Variants in MTA1 observed in about 807,000 individuals in gnomAD.
MTA1 encodes metastasis associated 1.
MTA1 carries 15 observed loss-of-function variants against 97.0 expected under a neutral mutation model. That is an observed-to-expected ratio of 0.15 (90% CI 0.10 to 0.24). The LOEUF is 0.24. Ranked by LOEUF, MTA1 falls within the 10% of genes least tolerant of loss-of-function variation. MTA1 has a pLI of 1.00. For synonymous variants in MTA1, 435 were observed against 417.5 expected (o/e 1.04, Z -0.51); for missense variants, 709 against 1,015.1 (o/e 0.70, Z 4.10).
At position 105,463,256 on chromosome 14, in the gene MTA1, C is replaced by G. The variant is rs1555431476; in HGVS notation, c.1015C>G (p.Gln339Glu). 6.2e-7 allele frequency: 1 copy of G among 1,609,634 alleles called. No individual in the cohort carries two copies. ...MWKTTDRYVQQKRLKAAEAES... is the reference protein window; with the variant it reads ...MWKTTDRYVQEKRLKAAEAES... ...GAAGACCACCGACAGATACGTGCAG[C>G]AGGTGAGCCCGCCCGCCACTCAGTG... Residue 339 changes from glutamine (Q) to glutamate (E), a missense_variant and splice_region_variant, in exon 11 of 21, where the codon CAG becomes GAG. By Grantham distance (29) the Gln-to-Glu change is conservative. Around this residue, in one of 2 missense-constraint regions of MTA1, gnomAD observed 321 missense variants for 593.5 expected, o/e 0.54. Coordinates refer to ENST00000331320, the MANE Select transcript of MTA1 (RefSeq NM_004689.4). This position sits in a 1 kb window ranked among gnomAD's most constrained non-coding sequence, Gnocchi z 5.9.
rs1377956160 is a variant in MTA1, at chr14:105,464,664, C to T, written c.1345-10C>T. Reference sequence around the variant, plus strand: ...GCGCTGTGTTGGGGCGGTTGCGCCCCCTTCCGCAGAGTCCCCACGGCCTCC... The same window carrying T: ...GCGCTGTGTTGGGGCGGTTGCGCCCTCTTCCGCAGAGTCCCCACGGCCTCC... On this transcript the variant is annotated splice_polypyrimidine_tract_variant and intron_variant, in intron 14 of 20. Coordinates refer to ENST00000331320, the MANE Select transcript of MTA1 (RefSeq NM_004689.4). 1.9e-6 allele frequency: 3 copies of T among 1,601,018 alleles called. No homozygotes were observed. The highest frequency in any genetic ancestry group is 1.3e-5 in the African/African-American group (1 of 74,620).
At chr14:105,467,008 G>A (rs906993750) in intron 18 of MTA1, 7 of 560,314 alleles carry the variant, frequency 1.2e-5, no homozygotes, top group Non-Finnish European at 2.2e-5. Flanking sequence ...TGGCGCCCCT[G>A]CCTGCGCTGT....
intron 3 of MTA1, among the ~76,000 whole-genome samples, chr14:105,447,194 G>T (rs1161260278): frequency 6.6e-6 from 1 of 152,096 alleles, no homozygotes; most frequent in Non-Finnish European, 1.5e-5. Context: ...GGCCTGGCTC[G>T]CTGGAGAAGC....
At chr14:105,436,166 G>A (rs1236769172) in intron 1 of MTA1, among the ~76,000 whole-genome samples, 2 of 152,178 alleles carry the variant, frequency 1.3e-5, no homozygotes, top group African/African-American at 4.8e-5. Context: ...CTACTCGGGA[G>A]GTTGAGGCAG....
chr14:105,454,882 G>C (rs1443445441), intron 7 of MTA1, among the ~76,000 whole-genome samples: 2 of 151,628 alleles, frequency 1.3e-5, no homozygotes, highest in African/African-American at 4.9e-5. Context: ...GAGCCACCGA[G>C]TCTGGCCTTG....
chr14:105,426,261 C>T (rs374201186), intron 1 of MTA1, among the ~76,000 whole-genome samples: 4 of 151,224 alleles, frequency 2.6e-5, no homozygotes, highest in African/African-American at 4.8e-5. Flanking sequence ...ACCAGGGCAG[C>T]GGCAGCGGCT....
rs782269540 is a variant in MTA1 at position 105,470,189 on chromosome 14, G to A, written c.2122G>A (p.Asp708Asn). The change falls in exon 21 of 21, where the codon GAC (aspartate) becomes AAC (asparagine). Residue 708 changes from aspartate to asparagine, a missense_variant. This residue lies in a region of MTA1 where 388 missense variants were observed against 421.6 expected (regional missense o/e 0.92). Coordinates refer to ENST00000331320, the MANE Select transcript of MTA1 (RefSeq NM_004689.4). Reference sequence around the variant, plus strand: ...GCCACCGCCACCTGCGCCCGTCAACGACGAGCCCATCGTCATCGAGGACTA... The same window carrying A: ...GCCACCGCCACCTGCGCCCGTCAACAACGAGCCCATCGTCATCGAGGACTA... ...PRPPPPAPVN[D>N]EPIVIED is the part of the protein sequence containing the mutation. The A allele has an allele frequency of 6.2e-6, 10 of 1,606,114 alleles. No homozygotes were observed. Among genetic ancestry groups the A allele is most frequent in the South Asian group, 2.2e-5 (2 of 90,760 alleles).
intron 3 of MTA1, among the ~76,000 whole-genome samples, chr14:105,448,839 G>A (rs1555427869): frequency 6.6e-6 from 1 of 152,274 alleles, no homozygotes; most frequent in African/African-American, 2.4e-5. Context: ...GGCTGGCTGT[G>A]GTCCCATCTG....
Position 105,445,519 on chromosome 14 carries a change from C to T in MTA1, c.190+8C>T, listed in dbSNP as rs372953145. 18 of 1,612,836 alleles carry T rather than the reference C, an allele frequency of 1.1e-5. No individual in the cohort carries two copies. The African/African-American group carries it at 1.9e-4, about 17-fold the overall frequency. ...TGGCCGACAAGCACGCAAGTGAGTC[C>T]GGCCTTCCCTGGGGTGCCCGCCTGG... On this transcript the variant is annotated splice_region_variant and intron_variant, in intron 3 of 20. Coordinates refer to ENST00000331320, the MANE Select transcript of MTA1 (RefSeq NM_004689.4).
At chr14:105,455,475 G>A (rs2083109611) in intron 7 of MTA1, among the ~76,000 whole-genome samples, 1 of 152,248 alleles carries the variant, frequency 6.6e-6, no homozygotes, top group South Asian at 2.1e-4. Context: ...CGAGACGCAG[G>A]GCTCTGCCCC....
chr14:105,445,402 T>C lies in MTA1; in HGVS notation c.97-16T>C, dbSNP rs147590251. 6.9e-4 allele frequency: 1,115 copies of C among 1,612,616 alleles called. 4 individuals are homozygous for C. In the African/African-American group the frequency reaches 0.013, roughly 19 times the overall value. ...TTTGGTCGCGTTTCTCAGACGCCCC[T>C]GCCTTGCTGTTACAGACGGCCAATG... On this transcript the variant is annotated splice_polypyrimidine_tract_variant and intron_variant, in intron 2 of 20. Coordinates refer to ENST00000331320, the MANE Select transcript of MTA1 (RefSeq NM_004689.4).
intron 2 of MTA1, among the ~76,000 whole-genome samples, chr14:105,441,481 G>A (rs1241927612): frequency 1.3e-5 from 2 of 152,316 alleles, no homozygotes; most frequent in East Asian, 3.9e-4. Context: ...TAACAGGAAG[G>A]TCAGCCAGCA....
At chr14:105,466,290 A>G in intron 16 of MTA1, 136 bp from the exon 17 acceptor site, 1 of 747,424 alleles carries the variant, frequency 1.3e-6, no homozygotes, top group South Asian at 1.8e-5. Context: ...CCCAGTCAGG[A>G]TGGGGCCTCG....
chr14:105,463,398 G>A lies in MTA1; in HGVS notation c.1018-95G>A, dbSNP rs954089214. ...AGTCCCTGGCCCGGCTGTCCTCTCCGTGGTGCTCTCCTCTCCGTAGCCTCC... is the reference window on the plus strand; with the variant it reads ...AGTCCCTGGCCCGGCTGTCCTCTCCATGGTGCTCTCCTCTCCGTAGCCTCC... On this transcript the variant is annotated intron_variant, in intron 11 of 20. Transcript: ENST00000331320. This position sits in a 1 kb window ranked among gnomAD's most constrained non-coding sequence, Gnocchi z 5.9. 108 of 1,515,840 alleles carry A rather than the reference G, an allele frequency of 7.1e-5. 1 individual carries two copies. Among genetic ancestry groups the A allele is most frequent in the East Asian group, 4.7e-4 (21 of 44,256 alleles). 93.9% of individuals were successfully genotyped at this position (1,515,840 alleles called of 1,614,324 possible).
intron 2 of MTA1, among the ~76,000 whole-genome samples, chr14:105,440,331 G>T (rs1595316252): frequency 6.6e-6 from 1 of 152,244 alleles, no homozygotes; most frequent in East Asian, 1.9e-4. Context: ...ACCATGGCTG[G>T]GGGAGGTCCT....
At chr14:105,432,068 C>A (rs2082192575) in intron 1 of MTA1, among the ~76,000 whole-genome samples, 3 of 152,070 alleles carry the variant, frequency 2.0e-5, no homozygotes, top group African/African-American at 7.2e-5. Flanking sequence ...TGCTTTATTG[C>A]CCAGGCTAGA....
At position 105,420,114 on chromosome 14, in the gene MTA1, C is replaced by A. The variant is rs1310555535; in HGVS notation, c.28+51C>A. The A allele has an allele frequency of 9.7e-6, 9 of 927,528 alleles. No individual in the cohort carries two copies. Among genetic ancestry groups the A allele is most frequent in the Middle Eastern group, 5.2e-4 (1 of 1,932 alleles). 57.5% of individuals were successfully genotyped at this position (927,528 alleles called of 1,614,324 possible). A position where few individuals can be genotyped will look rare whatever the true frequency, so the allele number is the denominator to read the frequency against. On this transcript the variant is annotated intron_variant, in intron 1 of 20. Coordinates refer to ENST00000331320, the MANE Select transcript of MTA1 (RefSeq NM_004689.4). The surrounding 1 kb of genome is among the most constrained non-coding windows in gnomAD (Gnocchi z 5.3). ...GGCCCCGACCCGCCCGCAGCCCCCA[C>A]CCGCCGCCGCTGCCGCCTCCCCCGC...
At chr14:105,462,864 G>A (rs781935726) in intron 10 of MTA1, among the ~76,000 whole-genome samples, 2 of 135,810 alleles carry the variant, frequency 1.5e-5, no homozygotes, top group African/African-American at 2.5e-5. Context: ...GCGAGACTCC[G>A]TCTCAAAAAC....
At chr14:105,428,597 G>C (rs2082081441) in intron 1 of MTA1, among the ~76,000 whole-genome samples, 1 of 152,078 alleles carries the variant, frequency 6.6e-6, no homozygotes, top group Admixed American at 6.6e-5. Flanking sequence ...CAAGTAGTAG[G>C]AATCCTTGAA....
Sources: allele counts gnomAD v4.1 joint callset (sites outside exome capture counted in the v4.1 genomes callset), GRCh38; gene constraint gnomAD v4.1.1; regional missense constraint gnomAD v4.1.1; non-coding constraint Gnocchi (gnomAD v3.1); transcripts MANE v1.5; gene names NCBI Gene and HGNC (gene_info 2026-07-23, HGNC 2026-07-21).